KCNQ3: variants seen among roughly 807,000 people sequenced by gnomAD.
The protein encoded by KCNQ3 is potassium voltage-gated channel subfamily KQT member 3.
In KCNQ3, 30 loss-of-function variants were observed where a neutral mutation model predicts 92.5. The ratio of observed to expected loss-of-function variants is 0.32; its 90% CI spans 0.24 to 0.44. KCNQ3 has a LOEUF of 0.44. Ranked by LOEUF, KCNQ3 falls within the 20% of genes least tolerant of loss-of-function variation. KCNQ3 has a pLI of 1.00. For synonymous variants in KCNQ3, 450 were observed against 468.8 expected (o/e 0.96, Z 0.52); for missense variants, 913 against 1,140.3 (o/e 0.80, Z 2.87).
At chr8:132,407,918 G>A (rs540762069) in intron 1 of KCNQ3, among the ~76,000 whole-genome samples, 6 of 152,216 alleles carry the variant, frequency 3.9e-5, no homozygotes, top group South Asian at 2.1e-4. Flanking sequence ...ACTCTGTCTC[G>A]TTCATCCATT....
intron 1 of KCNQ3, among the ~76,000 whole-genome samples, chr8:132,404,332 A>C (rs1257876945): frequency 6.6e-6 from 1 of 152,196 alleles, no homozygotes; most frequent in Non-Finnish European, 1.5e-5. Flanking sequence ...CTGATATGTC[A>C]GTTAGGCTAG....
intron 1 of KCNQ3, among the ~76,000 whole-genome samples, chr8:132,336,635 C>T (rs1461752188): frequency 1.3e-5 from 2 of 152,212 alleles, no homozygotes. Flanking sequence ...TCTGTCTAGC[C>T]AAGTCCCCCT....
chr8:132,337,844 A>G (rs1243095141), intron 1 of KCNQ3, among the ~76,000 whole-genome samples: 1 of 152,252 alleles, frequency 6.6e-6, no homozygotes, highest in East Asian at 1.9e-4. Flanking sequence ...ATTCGGTGCC[A>G]TAAGACTGAA....
At chr8:132,261,283 T>C (rs1320079712) in intron 1 of KCNQ3, among the ~76,000 whole-genome samples, 1 of 152,214 alleles carries the variant, frequency 6.6e-6, no homozygotes, top group African/African-American at 2.4e-5. Flanking sequence ...TTCATTGTCA[T>C]GCTTCCTGGT....
At position 132,210,272 on chromosome 8, in the gene KCNQ3, C is replaced by T. The variant is rs548476293; in HGVS notation, c.387-24091G>A. On this transcript the variant is annotated intron_variant, in intron 1 of 14. Coordinates refer to ENST00000388996, the MANE Select transcript of KCNQ3 (RefSeq NM_004519.4). Reference sequence around the variant, plus strand: ...GAAGGAAGAAATCACCAGCTCACATCGTGGGCTCTGGAGTCTGACTGTGTG... The same window carrying T: ...GAAGGAAGAAATCACCAGCTCACATTGTGGGCTCTGGAGTCTGACTGTGTG... 1.5e-3 allele frequency among the ~76,000 whole-genome samples: 223 copies of T among 152,258 alleles called. 1 individual carries two copies. The highest frequency in any genetic ancestry group is 5.2e-3 in the African/African-American group (216 of 41,558).
intron 1 of KCNQ3, among the ~76,000 whole-genome samples, chr8:132,397,569 A>C (rs935875100): frequency 6.6e-6 from 1 of 152,214 alleles, no homozygotes; most frequent in African/African-American, 2.4e-5. Context: ...TCTTCTGATC[A>C]TGATCCTTAG....
Position 132,154,193 on chromosome 8 carries a change from G to GTTTTTTTTTTTTTTTTTTTTTTT in KCNQ3, c.1262+9252_1262+9274dup, listed in dbSNP as rs869112851. Among the ~76,000 whole-genome samples the GTTTTTTTTTTTTTTTTTTTTTTT allele has an allele frequency of 1.8e-3, 49 of 27,454 alleles. 6 individuals carry two copies. The highest frequency in any genetic ancestry group is 3.6e-3 in the African/African-American group (24 of 6,742). The allele number at this position is 27,454 out of a possible 152,430, so 18.0% of individuals were successfully genotyped here. A position where few individuals can be genotyped will look rare whatever the true frequency, so the allele number is the denominator to read the frequency against. ...CTGATGTACCATCAAAAGGGTAAAA[G>GTTTTTTTTTTTTTTTTTTTTTTT]TTTTTTTTTTTTTTTTTTTTTTTTT... On this transcript the variant is annotated intron_variant, in intron 9 of 14. Coordinates refer to ENST00000388996, the MANE Select transcript of KCNQ3 (RefSeq NM_004519.4).
At chr8:132,178,927 A>C (rs551411418) in intron 4 of KCNQ3, among the ~76,000 whole-genome samples, 41 of 149,576 alleles carry the variant, frequency 2.7e-4, no homozygotes, top group African/African-American at 9.1e-4. Flanking sequence ...TATTGAGGAA[A>C]TGGTCATAGG....
At position 132,352,627 on chromosome 8, in the gene KCNQ3, C is replaced by G. The variant is rs143558642; in HGVS notation, c.386+127520G>C. 6.3e-3 allele frequency among the ~76,000 whole-genome samples: 962 copies of G among 152,290 alleles called. 6 individuals carry two copies. The highest frequency in any genetic ancestry group is 0.02 in the Middle Eastern group (6 of 294). On this transcript the variant is annotated intron_variant, in intron 1 of 14. Coordinates refer to ENST00000388996, the MANE Select transcript of KCNQ3 (RefSeq NM_004519.4). ...TGACAGATCGGACCGCAAGGTGGCA[C>G]AAGTAAGTGATAGCAACAGTTATGC...
chr8:132,282,997 A>C (rs1370311858), intron 1 of KCNQ3, among the ~76,000 whole-genome samples: 1 of 152,162 alleles, frequency 6.6e-6, no homozygotes, highest in Non-Finnish European at 1.5e-5. Context: ...GAGAAAAGAA[A>C]GGAAGACAGT....
At position 132,271,551 on chromosome 8, in the gene KCNQ3, T is replaced by C. The variant is rs576575441; in HGVS notation, c.387-85370A>G. On this transcript the variant is annotated intron_variant, in intron 1 of 14. Coordinates refer to ENST00000388996, the MANE Select transcript of KCNQ3 (RefSeq NM_004519.4). Reference sequence around the variant, plus strand: ...CCTACACGGACCACTGAGACCTCCCTGCCCTTCACCCTTCCTTTTATTATT... The same window carrying C: ...CCTACACGGACCACTGAGACCTCCCCGCCCTTCACCCTTCCTTTTATTATT... 5.9e-5 allele frequency among the ~76,000 whole-genome samples: 9 copies of C among 152,332 alleles called. No homozygotes were observed. In the East Asian group the frequency reaches 1.5e-3, roughly 26 times the overall value.
intron 1 of KCNQ3, among the ~76,000 whole-genome samples, chr8:132,352,890 A>T (rs1488749072): frequency 6.6e-6 from 1 of 152,096 alleles, no homozygotes; most frequent in Non-Finnish European, 1.5e-5. Context: ...CCAGTTCCAC[A>T]CTGGGCATGA....
chr8:132,323,984 A>G (rs965958076), intron 1 of KCNQ3, among the ~76,000 whole-genome samples: 1 of 152,164 alleles, frequency 6.6e-6, no homozygotes, highest in South Asian at 2.1e-4. Flanking sequence ...TCCCATGGCT[A>G]CTTCTACATC....
intron 1 of KCNQ3, among the ~76,000 whole-genome samples, chr8:132,321,127 A>T (rs897916856): frequency 3.9e-5 from 6 of 152,210 alleles, no homozygotes; most frequent in Non-Finnish European, 8.8e-5. Context: ...TGAGTAGTTG[A>T]TTGGTTTGGA....
At chr8:132,299,824 A>G (rs1172769972) in intron 1 of KCNQ3, among the ~76,000 whole-genome samples, 2 of 152,186 alleles carry the variant, frequency 1.3e-5, no homozygotes, top group African/African-American at 4.8e-5. Flanking sequence ...AAAATGAAGC[A>G]ATTTAAATTC....
rs869112851 is a variant in KCNQ3, at chr8:132,154,193, G to GTTTTTTTTT, written c.1262+9266_1262+9274dup. On this transcript the variant is annotated intron_variant, in intron 9 of 14. Coordinates refer to ENST00000388996, the MANE Select transcript of KCNQ3 (RefSeq NM_004519.4). ...CTGATGTACCATCAAAAGGGTAAAA[G>GTTTTTTTTT]TTTTTTTTTTTTTTTTTTTTTTTTT... 4.5e-3 allele frequency among the ~76,000 whole-genome samples: 123 copies of GTTTTTTTTT among 27,442 alleles called. 9 individuals are homozygous for GTTTTTTTTT. Among genetic ancestry groups the GTTTTTTTTT allele is most frequent in the African/African-American group, 9.8e-3 (66 of 6,730 alleles). 18.0% of individuals were successfully genotyped at this position (27,442 alleles called of 152,430 possible).
intron 1 of KCNQ3, among the ~76,000 whole-genome samples, chr8:132,285,119 T>C (rs979362332): frequency 2.0e-5 from 3 of 152,032 alleles, no homozygotes; most frequent in African/African-American, 7.2e-5. Flanking sequence ...TACTGATGAG[T>C]GGGATGACAC....
At chr8:132,341,606 C>G (rs1311886700) in intron 1 of KCNQ3, among the ~76,000 whole-genome samples, 2 of 152,154 alleles carry the variant, frequency 1.3e-5, no homozygotes, top group Non-Finnish European at 2.9e-5. Context: ...ACTGAATAAA[C>G]AAAGAAACAA....
intron 1 of KCNQ3, among the ~76,000 whole-genome samples, chr8:132,354,079 G>A (rs1038233056): frequency 2.6e-5 from 4 of 152,168 alleles, no homozygotes; most frequent in Non-Finnish European, 5.9e-5. Context: ...CTTGAATAGC[G>A]AACCTTCTGT....
Sources: gnomAD v4.1 joint callset for allele counts (sites outside exome capture counted in the v4.1 genomes callset) on GRCh38, gnomAD v4.1.1 for gene constraint, MANE v1.5 for transcripts, NCBI Gene and HGNC (gene_info 2026-07-23, HGNC 2026-07-21) for gene names.